Variants in PFKFB3 observed in about 807,000 individuals in gnomAD.
The protein encoded by PFKFB3 is 6-phosphofructo-2-kinase/fructose-2,6-biphosphatase 3.
Under a neutral mutation model 68.0 loss-of-function variants are expected in PFKFB3, and 33 were observed. The ratio of observed to expected loss-of-function variants is 0.49; its 90% CI spans 0.37 to 0.65. The LOEUF (loss-of-function observed/expected upper bound fraction) is 0.65. PFKFB3 is among the 30% of genes least tolerant of loss of function. The pLI is 0.00. For synonymous variants in PFKFB3, 315 were observed against 288.2 expected (o/e 1.09, Z -0.94); for missense variants, 586 against 712.2 (o/e 0.82, Z 2.02).
At chr10:6,169,659 A>C (rs12573756) in intron 1 of PFKFB3, among the ~76,000 whole-genome samples, 1,646 of 152,226 alleles carry the variant, frequency 0.011, 69 homozygotes, top group East Asian at 0.1. Context: ...TCGGTGATGT[A>C]TCCTGGGCTC....
intron 14 of PFKFB3, among the ~76,000 whole-genome samples, chr10:6,252,763 GTCTC>G (rs1564237058): frequency 1.3e-5 from 2 of 152,108 alleles, no homozygotes; most frequent in East Asian, 1.9e-4. Context: ...TTCCATTCAT[GTCTC>G]TCTCTATGTG....
chr10:6,215,406 C>A lies in PFKFB3; in HGVS notation c.299+89C>A. On this transcript the variant is annotated intron_variant, in intron 3 of 14. Coordinates refer to ENST00000379775, the MANE Select transcript of PFKFB3 (RefSeq NM_004566.4). The surrounding 1 kb of genome is among the most constrained non-coding windows in gnomAD (Gnocchi z 4.3). ...CTGGGCTGCAGGAGTAAGGCTGGGC[C>A]GCGGGCGTAGGGCTGGGCTGTGGGA... The A allele has an allele frequency of 1.0e-6, 1 of 959,838 alleles. No homozygotes were observed. The highest frequency in any genetic ancestry group is 1.6e-6 in the Non-Finnish European group (1 of 610,194). The allele number at this position is 959,838 out of a possible 1,614,324, so 59.5% of individuals were successfully genotyped here.
chr10:6,279,525 C>T, the PFKFB3 span, among the ~76,000 whole-genome samples: 1 of 149,408 alleles, frequency 6.7e-6, no homozygotes, highest in East Asian at 2.0e-4. Context: ...GATGTATGAG[C>T]ACTTAGAAGA....
At chr10:6,222,214 C>T (rs1845015515) in intron 10 of PFKFB3, among the ~76,000 whole-genome samples, 1 of 152,288 alleles carries the variant, frequency 6.6e-6, no homozygotes, top group East Asian at 1.9e-4. Flanking sequence ...GGCCCACTGT[C>T]CTCTGGCCTC....
At chr10:6,299,196 C>T in the PFKFB3 span, among the ~76,000 whole-genome samples, 2 of 152,198 alleles carry the variant, frequency 1.3e-5, no homozygotes, top group African/African-American at 4.8e-5. Flanking sequence ...CAGTTGATAC[C>T]ATGCACTCTG....
chr10:6,223,620 A>G lies in PFKFB3; in HGVS notation c.1214-338A>G, dbSNP rs79801082. 6.4e-3 allele frequency among the ~76,000 whole-genome samples: 971 copies of G among 152,170 alleles called. 7 individuals are homozygous for G. Among genetic ancestry groups the G allele is most frequent in the African/African-American group, 0.022 (933 of 41,508 alleles). On this transcript the variant is annotated intron_variant, in intron 11 of 14. Transcript: ENST00000379775. ...GTCTTTCCATGCCTCCCCCACCCTC[A>G]TGTCTCATTTCTTTTTTTTGAGACA... is the stretch of plus-strand genomic sequence containing the variant.
chr10:6,319,185 A>G, the PFKFB3 span, among the ~76,000 whole-genome samples: 2 of 152,164 alleles, frequency 1.3e-5, no homozygotes, highest in African/African-American at 4.8e-5. Flanking sequence ...AAAAGGAACC[A>G]CTCTATAAAA....
At chr10:6,244,643 A>G (rs4750166) in intron 14 of PFKFB3, among the ~76,000 whole-genome samples, 132,022 of 151,898 alleles carry the variant, frequency 0.87, 57,944 homozygotes, top group Non-Finnish European at 0.91. Flanking sequence ...GATTAGACCG[A>G]GACAAGTAAT....
chr10:6,149,984 T>C (rs1015219315), intron 1 of PFKFB3: 1 of 152,262 alleles, frequency 6.6e-6, no homozygotes, highest in African/African-American at 2.4e-5. Context: ...CATCTGTTGT[T>C]GGACACCTAG....
rs1391033195 is a variant in PFKFB3, at chr10:6,158,221, A to G, written c.16+13208A>G. 7.2e-5 allele frequency among the ~76,000 whole-genome samples: 11 copies of G among 152,132 alleles called. No homozygotes were observed. In the South Asian group the frequency reaches 1.7e-3, roughly 23 times the overall value. ...GGAGAATGGTGTGAACCCGGGAGGC[A>G]GAGCTTGCAGTGAGCCGAGATTGCG... On this transcript the variant is annotated intron_variant, in intron 1 of 14. Coordinates refer to the PFKFB3 transcript ENST00000379789.
intron 1 of PFKFB3, among the ~76,000 whole-genome samples, chr10:6,161,218 G>A (rs1163119895): frequency 6.6e-6 from 1 of 152,158 alleles, no homozygotes; most frequent in East Asian, 1.9e-4. Flanking sequence ...TTACAGGTGT[G>A]AGCCACGGCG....
chr10:6,145,493 T>G (rs966838999), intron 1 of PFKFB3, among the ~76,000 whole-genome samples: 45 of 151,910 alleles, frequency 3.0e-4, no homozygotes, highest in Non-Finnish European at 5.1e-4. Context: ...ATACCAGGGC[T>G]CCGGACCCGG....
At chr10:6,275,054 T>C in the PFKFB3 span, among the ~76,000 whole-genome samples, 2 of 152,188 alleles carry the variant, frequency 1.3e-5, no homozygotes, top group Admixed American at 6.5e-5. The surrounding 1 kb of genome is among the most constrained non-coding windows in gnomAD (Gnocchi z 4.9). Flanking sequence ...CTGGGTGGTG[T>C]CCACTAGGGG....
At chr10:6,146,584 C>A in intron 1 of PFKFB3, 1 of 1,268,068 alleles carries the variant, frequency 7.9e-7, no homozygotes, top group Non-Finnish European at 1.1e-6. Context: ...AGGGGACAAT[C>A]ATTTATCTCT....
the PFKFB3 span, among the ~76,000 whole-genome samples, chr10:6,281,956 A>ATTT: frequency 3.5e-5 from 5 of 143,002 alleles, no homozygotes; most frequent in East Asian, 2.0e-4. Context: ...CAGAGCATGA[A>ATTT]TTTTTTTTTT....
In PFKFB3 at chr10:6,220,309, C is replaced by T. The variant is rs1353660920; in HGVS notation, c.624-349C>T. 1.3e-5 allele frequency among the ~76,000 whole-genome samples: 2 copies of T among 152,034 alleles called. No homozygotes were observed. Among genetic ancestry groups the T allele is most frequent in the African/African-American group, 4.8e-5 (2 of 41,390 alleles). ...GTAGAGATGAGGTCTTGCTATGTTG[C>T]CCAGGCTGGTCTTGAACTTCTAGAC... is the stretch of plus-strand genomic sequence containing the variant. On this transcript the variant is annotated intron_variant, in intron 7 of 14. Coordinates refer to ENST00000379775, the MANE Select transcript of PFKFB3 (RefSeq NM_004566.4). The surrounding 1 kb of genome is among the most constrained non-coding windows in gnomAD (Gnocchi z 4.1).
At chr10:6,222,831 G>T (rs770327730) in intron 10 of PFKFB3, 24 bp from the exon 11 acceptor site, 1 of 1,602,784 alleles carries the variant, frequency 6.2e-7, no homozygotes, top group East Asian at 2.2e-5. Flanking sequence ...CTGAGCTCAC[G>T]TGGGCCCGGC....
Position 6,203,221 on chromosome 10 carries a change from C to T in PFKFB3, c.-40C>T, listed in dbSNP as rs1843452735. On this transcript the variant is annotated 5_prime_UTR_variant, in exon 1 of 15. Coordinates refer to ENST00000379775, the MANE Select transcript of PFKFB3 (RefSeq NM_004566.4). ...GCCGCTCTCCTGCCAGCGTCGGGAT[C>T]TCGGCCCCGGGAGGCGGGCCGTCGG... 2 of 1,598,438 alleles carry T rather than the reference C, an allele frequency of 1.3e-6. No individual in the cohort carries two copies. The highest frequency in any genetic ancestry group is 2.7e-5 in the African/African-American group (2 of 74,088).
At chr10:6,291,927 C>T in the PFKFB3 span, among the ~76,000 whole-genome samples, 19 of 145,640 alleles carry the variant, frequency 1.3e-4, no homozygotes, top group Admixed American at 8.3e-4. Flanking sequence ...TTAATGCTTA[C>T]GTGGAAGGAA....
Sources: gnomAD v4.1 joint callset for allele counts (sites outside exome capture counted in the v4.1 genomes callset) on GRCh38, gnomAD v4.1.1 for gene constraint, Gnocchi (gnomAD v3.1) non-coding constraint, MANE v1.5 for transcripts, NCBI Gene and HGNC (gene_info 2026-07-23, HGNC 2026-07-21) for gene names.